TYW1: variants seen among roughly 807,000 people sequenced by gnomAD.
TYW1 encodes the protein tRNA-yW synthesizing protein 1 homolog.
Under a neutral mutation model 96.2 loss-of-function variants are expected in TYW1, and 46 were observed. The ratio of observed to expected loss-of-function variants is 0.48; its 90% CI spans 0.38 to 0.61. TYW1 has a LOEUF of 0.61. TYW1 is among the 20% of genes least tolerant of loss of function. TYW1 has a pLI of 0.00. For missense variants in TYW1, 684 were observed against 909.6 expected, an observed-to-expected ratio of 0.75 and a Z score of 3.19; for synonymous variants, 274 against 323.0, an observed-to-expected ratio of 0.85 and a Z score of 1.63.
At chr7:67,091,494 C>T (rs983845049) in intron 11 of TYW1, among the ~76,000 whole-genome samples, 9 of 152,210 alleles carry the variant, frequency 5.9e-5, no homozygotes, top group South Asian at 2.1e-4. Flanking sequence ...AGCACGCCAA[C>T]GTGGCACATG....
chr7:67,106,745 T>C (rs994724851), intron 12 of TYW1, among the ~76,000 whole-genome samples: 3 of 152,224 alleles, frequency 2.0e-5, no homozygotes, highest in African/African-American at 7.2e-5. Flanking sequence ...TATTTTACAT[T>C]ATTTTAAAAT....
chr7:67,080,940 G>GGTT (rs1796366830), intron 10 of TYW1, among the ~76,000 whole-genome samples: 1 of 37,252 alleles, frequency 2.7e-5, no homozygotes, highest in Non-Finnish European at 4.8e-5. Flanking sequence ...CTTTCTTACT[G>GGTT]TTTTTTTTTT....
chr7:67,155,040 A>T (rs1798924185), intron 13 of TYW1, among the ~76,000 whole-genome samples: 1 of 151,820 alleles, frequency 6.6e-6, no homozygotes, highest in Admixed American at 6.6e-5. Flanking sequence ...CTATTTTAGG[A>T]TATCTGTATC....
At chr7:67,186,635 C>T (rs892550226) in intron 14 of TYW1, among the ~76,000 whole-genome samples, 1 of 151,816 alleles carries the variant, frequency 6.6e-6, no homozygotes, top group Non-Finnish European at 1.5e-5. Context: ...GACAGACGCA[C>T]ACCACCACAC....
At chr7:67,039,476 G>C (rs889088310) in intron 7 of TYW1, among the ~76,000 whole-genome samples, 2 of 151,292 alleles carry the variant, frequency 1.3e-5, no homozygotes, top group African/African-American at 4.9e-5. Flanking sequence ...AAAAAAGAAT[G>C]ACAAGTAGAT....
At chr7:67,056,214 C>T (rs1049870885) in intron 9 of TYW1, among the ~76,000 whole-genome samples, 1 of 152,104 alleles carries the variant, frequency 6.6e-6, no homozygotes, top group African/African-American at 2.4e-5. Flanking sequence ...TATGAGTGGC[C>T]AGATGCAGTG....
At chr7:67,052,902 T>C (rs1410997519) in intron 8 of TYW1, among the ~76,000 whole-genome samples, 3 of 151,846 alleles carry the variant, frequency 2.0e-5, no homozygotes, top group Non-Finnish European at 4.4e-5. Flanking sequence ...CTACCACGCC[T>C]GGCTAATTTT....
chr7:67,204,880 C>T (rs1219272303), intron 15 of TYW1, among the ~76,000 whole-genome samples: 1 of 152,176 alleles, frequency 6.6e-6, no homozygotes, highest in Non-Finnish European at 1.5e-5. Flanking sequence ...AGCCACCACG[C>T]CCAGCCAACT....
intron 12 of TYW1, among the ~76,000 whole-genome samples, chr7:67,100,458 TG>T (rs1269649162): frequency 6.6e-6 from 1 of 151,524 alleles, no homozygotes; most frequent in East Asian, 1.9e-4. Flanking sequence ...GCTCAGTACA[TG>T]GGTAGTGAAA....
At chr7:67,151,945 C>T (rs576816150) in intron 13 of TYW1, among the ~76,000 whole-genome samples, 26 of 152,030 alleles carry the variant, frequency 1.7e-4, no homozygotes, top group African/African-American at 6.3e-4. Context: ...TAGCTGGGAC[C>T]ACAGGCATGC....
intron 15 of TYW1, among the ~76,000 whole-genome samples, chr7:67,224,697 C>T (rs1801501212): frequency 6.6e-6 from 1 of 152,208 alleles, no homozygotes; most frequent in South Asian, 2.1e-4. Flanking sequence ...CTTCTAGTGT[C>T]TTTCATCACC....
chr7:67,003,313 T>C (rs1433225478), intron 3 of TYW1, among the ~76,000 whole-genome samples: 6 of 152,104 alleles, frequency 3.9e-5, no homozygotes, highest in Admixed American at 2.0e-4. Context: ...ATACAACCCA[T>C]GTCCAGTCTG....
At chr7:67,118,878 GAAAAAAAAAAAA>G (rs60194362) in intron 13 of TYW1, among the ~76,000 whole-genome samples, 33,843 of 73,726 alleles carry the variant, frequency 0.46, 4,699 homozygotes, top group South Asian at 0.53. Context: ...ACCCCTATCT[GAAAAAAAAAAAA>G]AAAAAAAAAA....
intron 13 of TYW1, among the ~76,000 whole-genome samples, chr7:67,137,029 G>A (rs1798284192): frequency 7.2e-6 from 1 of 138,224 alleles, no homozygotes; most frequent in Non-Finnish European, 1.5e-5. Context: ...CACCATGTTG[G>A]CCAGGCTGGT....
chr7:67,167,832 G>A (rs1235595143), intron 13 of TYW1, among the ~76,000 whole-genome samples: 1 of 151,918 alleles, frequency 6.6e-6, no homozygotes, highest in Admixed American at 6.6e-5. Context: ...TCAGTTCACT[G>A]CAACCTCTGC....
intron 12 of TYW1, among the ~76,000 whole-genome samples, chr7:67,101,097 C>T (rs1050218835): frequency 6.6e-6 from 1 of 152,092 alleles, no homozygotes; most frequent in Non-Finnish European, 1.5e-5. Context: ...TGTTCTCATA[C>T]CTCTTTCTGC....
chr7:67,017,235 A>G (rs912285254), intron 5 of TYW1, among the ~76,000 whole-genome samples: 1 of 152,104 alleles, frequency 6.6e-6, no homozygotes, highest in African/African-American at 2.4e-5. Flanking sequence ...TGCCTGCCTC[A>G]GCCTCCCAAA....
At chr7:67,210,805 A>G (rs980076917) in intron 15 of TYW1, among the ~76,000 whole-genome samples, 13 of 121,872 alleles carry the variant, frequency 1.1e-4, no homozygotes, top group African/African-American at 3.8e-4. Flanking sequence ...GTCTGTGTCT[A>G]TCTGTCCAGC....
chr7:67,191,295 A>C (rs888857318), intron 14 of TYW1, among the ~76,000 whole-genome samples: 1 of 152,160 alleles, frequency 6.6e-6, no homozygotes, highest in Non-Finnish European at 1.5e-5. Context: ...CCCATCTCCT[A>C]GGGCAGTGGG....
Sources: allele counts gnomAD v4.1 joint callset (sites outside exome capture counted in the v4.1 genomes callset), GRCh38; gene constraint gnomAD v4.1.1; transcripts MANE v1.5; gene names NCBI Gene and HGNC (gene_info 2026-07-23, HGNC 2026-07-21).